GLI2: variants seen among roughly 807,000 people sequenced by gnomAD.
The protein encoded by GLI2 is GLI family zinc finger 2.
Under a neutral mutation model 78.9 loss-of-function variants are expected in GLI2, and 22 were observed. The ratio of observed to expected loss-of-function variants is 0.28; its 90% CI spans 0.20 to 0.40. The LOEUF (loss-of-function observed/expected upper bound fraction) is 0.40, where lower values mean the gene tolerates loss of function less well. GLI2 is among the 10% of genes least tolerant of loss of function. GLI2 has a pLI of 1.00. For missense variants in GLI2, 2,097 were observed against 2,213.2 expected, an observed-to-expected ratio of 0.95 and a Z score of 1.05; for synonymous variants, 974 against 963.7, an observed-to-expected ratio of 1.01 and a Z score of -0.20.
At position 120,920,498 on chromosome 2, in the gene GLI2, C is replaced by G. The variant is rs371116094; in HGVS notation, c.149-6863C>G. On this transcript the variant is annotated intron_variant, in intron 2 of 13. Coordinates refer to ENST00000361492, the MANE Select transcript of GLI2 (RefSeq NM_001374353.1). ...TTCCGGGGAAGGGCTGTCCTTGCCC[C>G]CTCACTGCCCTCCTCACTAACACAA... Among the ~76,000 whole-genome samples the G allele has an allele frequency of 7.2e-5, 11 of 152,204 alleles. No individual in the cohort carries two copies. In the East Asian group the frequency reaches 1.7e-3, roughly 24 times the overall value.
chr2:120,861,480 T>C (rs998820226), intron 2 of GLI2, among the ~76,000 whole-genome samples: 1 of 152,198 alleles, frequency 6.6e-6, no homozygotes, highest in Non-Finnish European at 1.5e-5. Flanking sequence ...TCGCCCACGC[T>C]ATAGTCATCC....
At chr2:120,958,953 GTGAGTGAA>G (rs1252226996) in intron 5 of GLI2, among the ~76,000 whole-genome samples, 1 of 152,236 alleles carries the variant, frequency 6.6e-6, no homozygotes, top group African/African-American at 2.4e-5. Context: ...TGTTGGGTGA[GTGAGTGAA>G]TGAGTGAATG....
rs10522388 is a variant in GLI2, at chr2:120,742,679, T to TAAAAAAAAAAAAAA, written c.-31+6403_-31+6404insAAAAAAAAAAAAAA. ...CATAATTCAGTTGTTAGGATGACTT[T>TAAAAAAAAAAAAAA]AAAAAAAAAGGAAAGAGGGAAAGAG... On this transcript the variant is annotated intron_variant, in intron 1 of 13. Transcript: ENST00000361492. Among the ~76,000 whole-genome samples, 84 of 140,714 alleles carry TAAAAAAAAAAAAAA rather than the reference T, an allele frequency of 6.0e-4. 1 individual carries two copies. The highest frequency in any genetic ancestry group is 7.6e-3 in the Middle Eastern group (2 of 262). 92.3% of individuals were successfully genotyped at this position (140,714 alleles called of 152,430 possible).
chr2:120,930,074 G>T (rs949266350), intron 3 of GLI2, among the ~76,000 whole-genome samples: 1 of 152,216 alleles, frequency 6.6e-6, no homozygotes, highest in African/African-American at 2.4e-5. Flanking sequence ...CCCTGCACGG[G>T]ATGTTGGTCA....
At chr2:120,796,129 G>T (rs1684382100) in intron 1 of GLI2, among the ~76,000 whole-genome samples, 1 of 152,202 alleles carries the variant, frequency 6.6e-6, no homozygotes, top group Admixed American at 6.5e-5. Context: ...AGGCTGGATT[G>T]CCAGTGTCTG....
At chr2:120,824,283 C>T (rs995048689) in intron 2 of GLI2, among the ~76,000 whole-genome samples, 8 of 152,212 alleles carry the variant, frequency 5.3e-5, no homozygotes, top group African/African-American at 1.7e-4. Context: ...AAGAGGGAGG[C>T]AGCAACAAAT....
chr2:120,759,987 T>C (rs1683165632), intron 1 of GLI2, among the ~76,000 whole-genome samples: 2 of 152,266 alleles, frequency 1.3e-5, no homozygotes, highest in Non-Finnish European at 2.9e-5. Context: ...CAGTTAAGCC[T>C]GTGTGTCCTC....
At chr2:120,852,573 G>A (rs1039606073) in intron 2 of GLI2, among the ~76,000 whole-genome samples, 1 of 152,172 alleles carries the variant, frequency 6.6e-6, no homozygotes, top group Admixed American at 6.5e-5. Context: ...AGGCAGGGCC[G>A]CCTGTAAACA....
intron 2 of GLI2, among the ~76,000 whole-genome samples, chr2:120,917,420 AT>A (rs1469171649): frequency 6.6e-6 from 1 of 152,218 alleles, no homozygotes; most frequent in Non-Finnish European, 1.5e-5. Context: ...ACATGTGTGC[AT>A]TCAGGCCCCA....
At chr2:120,814,651 T>C (rs1685409589) in intron 2 of GLI2, among the ~76,000 whole-genome samples, 1 of 152,174 alleles carries the variant, frequency 6.6e-6, no homozygotes, top group African/African-American at 2.4e-5. Flanking sequence ...AGCAGCGGCA[T>C]TACATTCTCA....
chr2:120,739,617 G>A (rs1279435670), intron 1 of GLI2, among the ~76,000 whole-genome samples: 1 of 152,334 alleles, frequency 6.6e-6, no homozygotes, highest in Non-Finnish European at 1.5e-5. Flanking sequence ...AGTGGACAAG[G>A]GGCAGCCAGG....
chr2:120,961,833 T>C (rs951978864), intron 5 of GLI2, among the ~76,000 whole-genome samples: 2 of 152,330 alleles, frequency 1.3e-5, no homozygotes, highest in African/African-American at 4.8e-5. Context: ...TGGCCTTGTA[T>C]TTTTTCCTGA....
At chr2:120,790,421 G>T (rs1441241777) in intron 1 of GLI2, among the ~76,000 whole-genome samples, 2 of 152,166 alleles carry the variant, frequency 1.3e-5, no homozygotes, top group Non-Finnish European at 2.9e-5. Context: ...ACCAGTCCAG[G>T]CATCATTTAT....
At chr2:120,807,854 A>C (rs888974486) in intron 2 of GLI2, among the ~76,000 whole-genome samples, 7 of 142,830 alleles carry the variant, frequency 4.9e-5, no homozygotes, top group Non-Finnish European at 9.2e-5. Flanking sequence ...CCACCCCCCC[A>C]CACACCTCCC....
chr2:120,755,710 A>C (rs1683017632), intron 1 of GLI2, among the ~76,000 whole-genome samples: 1 of 151,838 alleles, frequency 6.6e-6, no homozygotes, highest in Non-Finnish European at 1.5e-5. Context: ...AGAAGTATTA[A>C]AGTTTTAGGT....
chr2:120,849,959 A>T (rs761514363), intron 2 of GLI2, among the ~76,000 whole-genome samples: 3 of 152,236 alleles, frequency 2.0e-5, no homozygotes, highest in Non-Finnish European at 4.4e-5. Flanking sequence ...TAGTTGAAAT[A>T]AAAAGTTCAT....
chr2:120,920,061 C>T (rs531438757), intron 2 of GLI2, among the ~76,000 whole-genome samples: 22 of 152,370 alleles, frequency 1.4e-4, no homozygotes, highest in Admixed American at 9.1e-4. Flanking sequence ...CGGCCTGGTG[C>T]ACAGCGACCA....
At chr2:120,886,225 T>A (rs1173367972) in intron 2 of GLI2, among the ~76,000 whole-genome samples, 1 of 127,714 alleles carries the variant, frequency 7.8e-6, no homozygotes, top group Non-Finnish European at 1.7e-5. Flanking sequence ...TATATTTTGG[T>A]TTTGGGTTTT....
intron 3 of GLI2, among the ~76,000 whole-genome samples, chr2:120,929,015 A>T (rs1004467248): frequency 5.3e-5 from 8 of 152,046 alleles, no homozygotes; most frequent in Non-Finnish European, 1.2e-4. Context: ...CTCCTTCGTC[A>T]TCTCCTGTCT....
Sources: gnomAD v4.1 joint callset for allele counts (sites outside exome capture counted in the v4.1 genomes callset) on GRCh38, gnomAD v4.1.1 for gene constraint, MANE v1.5 for transcripts, NCBI Gene and HGNC (gene_info 2026-07-23, HGNC 2026-07-21) for gene names.